Variants in CCSER1 observed in about 807,000 individuals in gnomAD.
The protein encoded by CCSER1 is coiled-coil serine rich protein 1, also known as serine-rich coiled-coil domain-containing protein 1.
Under a neutral mutation model 82.0 loss-of-function variants are expected in CCSER1, and 41 were observed. That is an observed-to-expected ratio of 0.50 (90% CI 0.39 to 0.65). CCSER1 has a LOEUF of 0.65. CCSER1 is among the 30% of genes least tolerant of loss of function. The probability of loss-of-function intolerance (pLI) is 0.00; values close to 1 mark genes in which losing one functional copy is unlikely to be tolerated. For missense variants in CCSER1, 1,119 were observed against 1,064.2 expected, an observed-to-expected ratio of 1.05 and a Z score of -0.72; for synonymous variants, 414 against 383.9, an observed-to-expected ratio of 1.08 and a Z score of -0.92.
chr4:90,697,767 T>A (rs1004456446), intron 6 of CCSER1, among the ~76,000 whole-genome samples: 18 of 152,182 alleles, frequency 1.2e-4, no homozygotes, highest in African/African-American at 4.3e-4. Flanking sequence ...CAGGTATTTT[T>A]CCCTGTATCT....
rs369913546 is a variant in CCSER1 at position 91,427,538 on chromosome 4, GA to G, written c.2218-171027del. 1.9e-4 allele frequency among the ~76,000 whole-genome samples: 29 copies of G among 152,144 alleles called. No homozygotes were observed. In the East Asian group the frequency reaches 5.4e-3, roughly 28 times the overall value. ...AGATGAGTTTAGGATATACAATGGAGAAAAAAATGCAGGCTTTGTAGGCAGA... is the reference window on the plus strand; with the variant it reads ...AGATGAGTTTAGGATATACAATGGAGAAAAAATGCAGGCTTTGTAGGCAGA... On this transcript the variant is annotated intron_variant, in intron 10 of 10. Transcript: ENST00000509176.
chr4:90,633,364 A>C (rs1724805390), intron 6 of CCSER1, among the ~76,000 whole-genome samples: 1 of 152,054 alleles, frequency 6.6e-6, no homozygotes, highest in South Asian at 2.1e-4. Context: ...AAATAAAGAC[A>C]CATCACAAAA....
chr4:90,771,206 T>A (rs893601052), intron 7 of CCSER1, among the ~76,000 whole-genome samples: 2 of 152,110 alleles, frequency 1.3e-5, no homozygotes, highest in Non-Finnish European at 2.9e-5. Context: ...GTGGCTTTTA[T>A]CTTTATAATG....
intron 3 of CCSER1, among the ~76,000 whole-genome samples, chr4:90,388,072 T>C (rs1053323535): frequency 2.0e-5 from 3 of 152,192 alleles, no homozygotes; most frequent in African/African-American, 7.2e-5. Context: ...GTCTTATAGA[T>C]GTTAACATTT....
chr4:90,839,624 C>T (rs1388155133), intron 8 of CCSER1, among the ~76,000 whole-genome samples: 1 of 152,136 alleles, frequency 6.6e-6, no homozygotes, highest in Non-Finnish European at 1.5e-5. Context: ...GAAGAGAAAG[C>T]CCACATCTAC....
intron 10 of CCSER1, among the ~76,000 whole-genome samples, chr4:91,114,222 A>G (rs1309915573): frequency 6.6e-6 from 1 of 152,198 alleles, no homozygotes; most frequent in Non-Finnish European, 1.5e-5. Flanking sequence ...ACTACCTCCA[A>G]GCAGCTTATA....
intron 10 of CCSER1, among the ~76,000 whole-genome samples, chr4:91,550,020 T>A (rs1292686092): frequency 6.6e-6 from 1 of 152,056 alleles, no homozygotes; most frequent in African/African-American, 2.4e-5. Flanking sequence ...TATAGGGAAC[T>A]GTCACTGGGT....
intron 10 of CCSER1, among the ~76,000 whole-genome samples, chr4:91,328,940 C>T (rs1746756750): frequency 6.6e-6 from 1 of 152,054 alleles, no homozygotes; most frequent in Non-Finnish European, 1.5e-5. Context: ...AGTGGGAGTT[C>T]CCCTGCAAAA....
chr4:91,037,231 GTC>G (rs1491435990), intron 9 of CCSER1, among the ~76,000 whole-genome samples: 1 of 54,970 alleles, frequency 1.8e-5, no homozygotes, highest in Non-Finnish European at 3.8e-5. Context: ...TTCTATCTCT[GTC>G]ACACACACAC....
At chr4:90,877,770 C>T (rs1171002207) in intron 8 of CCSER1, among the ~76,000 whole-genome samples, 2 of 150,960 alleles carry the variant, frequency 1.3e-5, no homozygotes, top group African/African-American at 4.9e-5. Context: ...ATTTGGAGAT[C>T]TTGCATGATA....
intron 9 of CCSER1, among the ~76,000 whole-genome samples, chr4:91,010,242 A>G (rs1290938742): frequency 6.6e-6 from 1 of 152,062 alleles, no homozygotes; most frequent in East Asian, 1.9e-4. Context: ...CTCATTCTCT[A>G]CTGGCCTGCA....
At chr4:90,395,553 A>G (rs141496750) in intron 3 of CCSER1, among the ~76,000 whole-genome samples, 117 of 152,200 alleles carry the variant, frequency 7.7e-4, no homozygotes, top group African/African-American at 2.6e-3. Context: ...TGTTTGGTCT[A>G]GTGATTGGAA....
intron 9 of CCSER1, among the ~76,000 whole-genome samples, chr4:91,052,494 C>T (rs1743094275): frequency 6.6e-6 from 1 of 152,056 alleles, no homozygotes; most frequent in Non-Finnish European, 1.5e-5. Context: ...CGTCTATGAT[C>T]TGGAAGTTGA....
chr4:90,789,595 G>A (rs1461934034), intron 7 of CCSER1, among the ~76,000 whole-genome samples: 1 of 151,996 alleles, frequency 6.6e-6, no homozygotes, highest in African/African-American at 2.4e-5. Context: ...TCGGTGGGAG[G>A]TAATTGAATC....
intron 10 of CCSER1, among the ~76,000 whole-genome samples, chr4:91,288,237 A>G (rs550273164): frequency 1.1e-4 from 17 of 151,376 alleles, no homozygotes; most frequent in Non-Finnish European, 2.1e-4. Flanking sequence ...GGATGTAGAA[A>G]GCTGTAAAGA....
intron 10 of CCSER1, among the ~76,000 whole-genome samples, chr4:91,372,551 A>T (rs2149326126): frequency 6.6e-6 from 1 of 151,992 alleles, no homozygotes; most frequent in South Asian, 2.1e-4. Flanking sequence ...TTGAAAAAAA[A>T]GCCCTCATTT....
chr4:90,214,739 A>G lies in CCSER1; in HGVS notation c.-42+86908A>G, dbSNP rs77266897. 8.1e-4 allele frequency among the ~76,000 whole-genome samples: 124 copies of G among 152,334 alleles called. 2 individuals carry two copies. The East Asian group carries it at 0.023, about 28-fold the overall frequency. Reference sequence around the variant, plus strand: ...AACAATCATATAGGCTTTTGAGATAACAGACTTTAAAAAAACATTTTTCTA... The same window carrying G: ...AACAATCATATAGGCTTTTGAGATAGCAGACTTTAAAAAAACATTTTTCTA... On this transcript the variant is annotated intron_variant, in intron 1 of 10. Transcript: ENST00000509176.
intron 9 of CCSER1, among the ~76,000 whole-genome samples, chr4:91,008,376 G>A (rs945011630): frequency 1.1e-4 from 16 of 152,024 alleles, no homozygotes; most frequent in African/African-American, 3.6e-4. Context: ...ATATATTTAG[G>A]TGCTTCAATG....
chr4:91,361,081 AG>A (rs1486599792), intron 10 of CCSER1, among the ~76,000 whole-genome samples: 1 of 143,666 alleles, frequency 7.0e-6, no homozygotes, highest in Admixed American at 7.0e-5. Flanking sequence ...GTTATCACAG[AG>A]GGGGAGGAAA....
Sources: gnomAD v4.1 joint callset for allele counts (sites outside exome capture counted in the v4.1 genomes callset) on GRCh38, gnomAD v4.1.1 for gene constraint, MANE v1.5 for transcripts, NCBI Gene and HGNC (gene_info 2026-07-23, HGNC 2026-07-21) for gene names.